AUTS2: variants seen among roughly 807,000 people sequenced by gnomAD.
AUTS2 encodes the protein autism susceptibility gene 2 protein.
A neutral mutation model predicts 112.4 loss-of-function variants in AUTS2; 17 were observed. The observed-to-expected ratio is 0.15, with a 90% CI of 0.10 to 0.23. The LOEUF (loss-of-function observed/expected upper bound fraction) is 0.23. Among genes scored for constraint, AUTS2 ranks in the 10% least tolerant of loss-of-function variants. AUTS2 has a pLI of 1.00. For missense variants in AUTS2, 1,510 were observed against 1,701.6 expected, an observed-to-expected ratio of 0.89 and a Z score of 1.98; for synonymous variants, 751 against 702.7, an observed-to-expected ratio of 1.07 and a Z score of -1.09.
chr7:70,243,820 A>G (rs1174542820), intron 4 of AUTS2, among the ~76,000 whole-genome samples: 1 of 152,146 alleles, frequency 6.6e-6, no homozygotes, highest in African/African-American at 2.4e-5. Context: ...ATGGCTTGTA[A>G]AGAAGCTTAT....
chr7:69,878,613 AAAG>A (rs886227834), intron 1 of AUTS2, among the ~76,000 whole-genome samples: 4 of 152,238 alleles, frequency 2.6e-5, no homozygotes, highest in African/African-American at 9.6e-5. Context: ...CATAAGAAGT[AAAG>A]AAGAAGCCAC....
At chr7:70,224,796 T>G (rs1019124942) in intron 4 of AUTS2, among the ~76,000 whole-genome samples, 3 of 152,180 alleles carry the variant, frequency 2.0e-5, no homozygotes. Flanking sequence ...TTATTACGTC[T>G]TTTCTGAGTT....
intron 6 of AUTS2, among the ~76,000 whole-genome samples, chr7:70,751,281 A>G (rs1008133220): frequency 6.6e-6 from 1 of 152,174 alleles, no homozygotes. Context: ...TCAGATCTAT[A>G]ATGCACCCCA....
intron 1 of AUTS2, among the ~76,000 whole-genome samples, chr7:69,829,698 C>T (rs1791413366): frequency 6.6e-6 from 1 of 152,046 alleles, no homozygotes; most frequent in Admixed American, 6.6e-5. Flanking sequence ...TCATCTCATG[C>T]CAAGTCAGAA....
At chr7:70,454,026 C>T (rs1427021375) in intron 5 of AUTS2, among the ~76,000 whole-genome samples, 2 of 152,128 alleles carry the variant, frequency 1.3e-5, no homozygotes, top group African/African-American at 4.8e-5. Flanking sequence ...GCAAGGATTT[C>T]CATGACCCAT....
intron 4 of AUTS2, among the ~76,000 whole-genome samples, chr7:70,328,591 T>C (rs1164131553): frequency 6.6e-6 from 1 of 152,140 alleles, no homozygotes; most frequent in African/African-American, 2.4e-5. Context: ...TTTGTTCCTG[T>C]TGGGTTAAGC....
chr7:69,623,125 G>T (rs1478421779), intron 1 of AUTS2, among the ~76,000 whole-genome samples: 4 of 152,162 alleles, frequency 2.6e-5, no homozygotes, highest in Non-Finnish European at 5.9e-5. Flanking sequence ...ATACTCCATG[G>T]TAACTTGGTA....
At chr7:70,140,736 T>A (rs1806819531) in intron 4 of AUTS2, among the ~76,000 whole-genome samples, 1 of 152,198 alleles carries the variant, frequency 6.6e-6, no homozygotes, top group African/African-American at 2.4e-5. Context: ...CATTATATAT[T>A]GACAAAAATC....
At chr7:69,863,002 A>G (rs1269000898) in intron 1 of AUTS2, among the ~76,000 whole-genome samples, 1 of 152,184 alleles carries the variant, frequency 6.6e-6, no homozygotes, top group Non-Finnish European at 1.5e-5. Context: ...CGTTTGGCTC[A>G]GAGACTACCC....
chr7:70,728,702 T>A (rs1172764081), intron 6 of AUTS2, among the ~76,000 whole-genome samples: 1 of 106,308 alleles, frequency 9.4e-6, no homozygotes, highest in African/African-American at 3.7e-5. Flanking sequence ...AGCGAGACTC[T>A]GTCTCAAAAA....
chr7:70,562,689 T>C (rs1323416514), intron 5 of AUTS2, among the ~76,000 whole-genome samples: 1 of 152,186 alleles, frequency 6.6e-6, no homozygotes, highest in Non-Finnish European at 1.5e-5. Flanking sequence ...TGGAACTTAA[T>C]AGAGGTAGAG....
chr7:70,309,707 A>G (rs1026740810), intron 4 of AUTS2, among the ~76,000 whole-genome samples: 1 of 152,226 alleles, frequency 6.6e-6, no homozygotes, highest in East Asian at 1.9e-4. Flanking sequence ...TCTTTAAAAA[A>G]AGAGATTATG....
chr7:70,173,095 G>A (rs931609792), intron 4 of AUTS2, among the ~76,000 whole-genome samples: 6 of 152,050 alleles, frequency 3.9e-5, no homozygotes, highest in African/African-American at 1.2e-4. Flanking sequence ...GGGAGTTTGG[G>A]GAACTTCGCA....
chr7:70,333,426 A>G (rs1183653117), intron 4 of AUTS2, among the ~76,000 whole-genome samples: 2 of 152,216 alleles, frequency 1.3e-5, no homozygotes, highest in Non-Finnish European at 2.9e-5. Context: ...AGAACCAGAA[A>G]TAGCATTTGA....
chr7:70,384,204 G>T (rs73440769), intron 4 of AUTS2, among the ~76,000 whole-genome samples: 1 of 152,138 alleles, frequency 6.6e-6, no homozygotes, highest in African/African-American at 2.4e-5. Context: ...TTTGCTCAGT[G>T]GGGGGACGTT....
intron 1 of AUTS2, among the ~76,000 whole-genome samples, chr7:69,717,132 T>A (rs2129209448): frequency 6.6e-6 from 1 of 152,330 alleles, no homozygotes; most frequent in Middle Eastern, 3.4e-3. Context: ...TTTAAACGTT[T>A]GTTTCCAAAG....
At chr7:70,285,076 G>T (rs1321158638) in intron 4 of AUTS2, among the ~76,000 whole-genome samples, 1 of 152,040 alleles carries the variant, frequency 6.6e-6, no homozygotes, top group Admixed American at 6.6e-5. Context: ...AGTTAACAAT[G>T]AAACTGCATA....
At chr7:69,693,440 T>C (rs1382184859) in intron 1 of AUTS2, among the ~76,000 whole-genome samples, 1 of 152,236 alleles carries the variant, frequency 6.6e-6, no homozygotes, top group Non-Finnish European at 1.5e-5. Context: ...CTTGGCCATA[T>C]GGATTAGCAA....
chr7:69,977,252 T>A (rs898124724), intron 2 of AUTS2, among the ~76,000 whole-genome samples: 1 of 152,198 alleles, frequency 6.6e-6, no homozygotes, highest in African/African-American at 2.4e-5. Flanking sequence ...TTTAACCATG[T>A]ATGTGAAGGT....
Sources: allele counts gnomAD v4.1 joint callset (sites outside exome capture counted in the v4.1 genomes callset), GRCh38; gene constraint gnomAD v4.1.1; transcripts MANE v1.5; gene names NCBI Gene and HGNC (gene_info 2026-07-23, HGNC 2026-07-21).